The following CHD9 variants were observed in gnomAD, a reference collection of about 807,000 sequenced individuals.
CHD9 encodes the protein chromodomain helicase DNA binding protein 9, also known as ATP-dependent chromatin remodeler CHD9.
CHD9 carries 77 observed loss-of-function variants against 316.1 expected under a neutral mutation model. That is an observed-to-expected ratio of 0.24 (90% confidence interval 0.20 to 0.29). The LOEUF (loss-of-function observed/expected upper bound fraction) is 0.29, where lower values mean the gene tolerates loss of function less well. Ranked by LOEUF, CHD9 falls within the 10% of genes least tolerant of loss-of-function variation. The probability of loss-of-function intolerance (pLI) is 1.00; values close to 1 mark genes in which losing one functional copy is unlikely to be tolerated. For missense variants in CHD9, 2,763 were observed against 3,438.1 expected (o/e 0.80, Z 4.91); for synonymous variants, 1,129 against 1,158.3 (o/e 0.97, Z 0.51).
At chr16:53,292,721 T>C (rs2054448198) in intron 28 of CHD9, 112 bp from the exon 29 acceptor site, 3 of 780,430 alleles carry the variant, frequency 3.8e-6, no homozygotes, top group Admixed American at 2.7e-5. Context: ...AGAAATATGT[T>C]TTTTTTTCCC....
In CHD9 at chr16:53,243,012, A is replaced by C; in HGVS notation, c.3050A>C (p.Asn1017Thr). ...CTCTTAGAGGGCCTGAAACTCATGA[A>C]TCTGGTAAGTAACTTAATATTATCA... ...CKLLEGLKLMNLEHKVLLTGT... is the reference protein window; with the variant it reads ...CKLLEGLKLMTLEHKVLLTGT... The change falls in exon 13 of 39, where the codon AAT becomes ACT. Residue 1017 changes from asparagine to threonine, a missense_variant. Asn to Thr is a moderately conservative substitution (Grantham distance 65). This residue lies in a region of CHD9 where 155 missense variants were observed against 291.8 expected (regional missense o/e 0.53). Coordinates refer to ENST00000447540, the MANE Select transcript of CHD9 (RefSeq NM_001308319.2). The C allele has an allele frequency of 6.3e-7, 1 of 1,588,618 alleles. No individual in the cohort carries two copies.
chr16:53,157,473 A>G lies in CHD9; in HGVS notation c.1384A>G (p.Ser462Gly). ...GACTCAGTTGCAAAGTCAGGCTCGG[A>G]GTTGGCATTCATCATTTTCTAATCA... ...AQTQLQSQAR[S>G]WHSSFSNHQH... Residue 462 changes from serine (S) to glycine (G), a missense_variant, in exon 2 of 39, where the codon AGT becomes GGT. Physicochemically the swap from Ser to Gly is moderately conservative, Grantham distance 56. Around this residue, in one of 15 missense-constraint regions of CHD9, gnomAD observed 859 missense variants for 890.4 expected, o/e 0.96. Coordinates refer to ENST00000447540, the MANE Select transcript of CHD9 (RefSeq NM_001308319.2). 1 of 1,613,950 alleles carries G rather than the reference A, an allele frequency of 6.2e-7. No individual in the cohort carries two copies. The highest frequency in any genetic ancestry group is 8.5e-7 in the Non-Finnish European group (1 of 1,179,868).
Position 53,303,995 on chromosome 16 carries a change from G to A in CHD9, c.5989G>A (p.Ala1997Thr), listed in dbSNP as rs199662749. The change falls in exon 31 of 39, where the codon GCT becomes ACT. Residue 1997 changes from alanine (A) to threonine (T), a missense_variant. By Grantham distance (58) the Ala-to-Thr change is moderately conservative. Transcript: ENST00000447540. ...TGATCCTGAACTCTCATTTATGGCA[G>A]CTCAGAGGAACTACAGTCAAAGTAA... The part of the protein sequence containing the change: ...LRDPELSFMA[A>T]QRNYSQSKMA... 6.0e-5 allele frequency: 97 copies of A among 1,614,000 alleles called. 1 individual carries two copies. In the East Asian group the frequency reaches 2.0e-3, roughly 33 times the overall value.
At chr16:53,217,932 CTTTCTTTCTTTCTTTCTTTCTTTCTTTT>C (rs1333717173) in intron 3 of CHD9, among the ~76,000 whole-genome samples, 7 of 73,224 alleles carry the variant, frequency 9.6e-5, no homozygotes, top group Non-Finnish European at 1.8e-4. Context: ...TTCTTTCTTT[CTTTCTTTCTTTCTTTCTTTCTTTCTTTT>C]TTTTTTTAAT....
intron 2 of CHD9, among the ~76,000 whole-genome samples, chr16:53,204,979 G>A (rs1319192608): frequency 6.6e-6 from 1 of 151,990 alleles, no homozygotes; most frequent in Non-Finnish European, 1.5e-5. Context: ...GAGTAACTGG[G>A]ATTAGACGTG....
chr16:53,146,421 A>ATGTGTGTGTGTGTG (rs1467849366), intron 1 of CHD9, among the ~76,000 whole-genome samples: 3 of 117,366 alleles, frequency 2.6e-5, no homozygotes, highest in African/African-American at 1.1e-4. Flanking sequence ...GTGTGTATGT[A>ATGTGTGTGTGTGTG]TATATATATA....
chr16:53,156,981 A>G lies in CHD9; in HGVS notation c.892A>G (p.Thr298Ala), dbSNP rs752483362. The G allele has an allele frequency of 3.1e-6, 5 of 1,612,568 alleles. No homozygotes were observed. The highest frequency in any genetic ancestry group is 2.7e-5 in the African/African-American group (2 of 75,012). The part of the protein sequence containing the change: ...QSSAVLASNH[T>A]NQTLSDFTGS... ...CTCTGCAGTTCTTGCATCTAATCAT[A>G]CAAATCAGACTTTATCTGATTTTAC... Residue 298 changes from threonine (T) to alanine (A), a missense_variant, in exon 2 of 39, where the codon ACA becomes GCA. Transcript: ENST00000447540.
chr16:53,176,377 T>C (rs1349599099), intron 2 of CHD9, among the ~76,000 whole-genome samples: 1 of 152,218 alleles, frequency 6.6e-6, no homozygotes, highest in Non-Finnish European at 1.5e-5. Context: ...ACATCGGGCC[T>C]ACATGGATAA....
intron 1 of CHD9, among the ~76,000 whole-genome samples, chr16:53,062,012 T>C (rs2032963090): frequency 1.3e-5 from 2 of 152,208 alleles, no homozygotes; most frequent in African/African-American, 4.8e-5. Flanking sequence ...GTCTCTTTGA[T>C]CCTGCTCTGC....
chr16:53,286,781 C>T (rs1597827001), intron 26 of CHD9, among the ~76,000 whole-genome samples: 1 of 152,138 alleles, frequency 6.6e-6, no homozygotes, highest in Admixed American at 6.5e-5. Context: ...TATAAAATTG[C>T]ATAGGATTTG....
rs1035248530 is a variant in CHD9, at chr16:53,142,981, G to A, written c.-164-12945G>A. Reference sequence around the variant, plus strand: ...TCATCCTGTAGTAGAAAGCAGAGGGGCAAGAGAGCAAGGCATGACTGAACT... The same window carrying A: ...TCATCCTGTAGTAGAAAGCAGAGGGACAAGAGAGCAAGGCATGACTGAACT... On this transcript the variant is annotated intron_variant, in intron 1 of 38. Coordinates refer to ENST00000447540, the MANE Select transcript of CHD9 (RefSeq NM_001308319.2). Among the ~76,000 whole-genome samples, 7 of 152,270 alleles carry A rather than the reference G, an allele frequency of 4.6e-5. No individual in the cohort carries two copies. In the East Asian group the frequency reaches 1.4e-3, roughly 29 times the overall value.
At chr16:53,256,422 G>A (rs1228085723) in intron 19 of CHD9, among the ~76,000 whole-genome samples, 8 of 115,644 alleles carry the variant, frequency 6.9e-5, no homozygotes, top group African/African-American at 2.1e-4. Flanking sequence ...GTCTCACTCC[G>A]TCACACAGGC....
chr16:53,079,668 T>C (rs910127153), intron 1 of CHD9, among the ~76,000 whole-genome samples: 1 of 152,150 alleles, frequency 6.6e-6, no homozygotes, highest in African/African-American at 2.4e-5. Flanking sequence ...ACTGGAACTT[T>C]CAGTACCACC....
Position 53,157,019 on chromosome 16 carries a change from C to T in CHD9, c.930C>T (p.Ser310=). 1 of 1,612,880 alleles carries T rather than the reference C, an allele frequency of 6.2e-7. No individual in the cohort carries two copies. The change falls in exon 2 of 39, where the codon TCC becomes TCT. Residue 310 remains serine (S), a synonymous_variant. Transcript: ENST00000447540. ...QTLSDFTGSN[S]FSPHRGIKQE... is the part of the protein sequence containing the mutation. The stretch of plus-strand genomic sequence containing the variant: ...TATCTGATTTTACTGGAAGTAATTC[C>T]TTTTCACCTCATAGAGGAATCAAGC...
At chr16:53,310,684 C>T (rs1184433256) in intron 34 of CHD9, 1 of 145,040 alleles carries the variant, frequency 6.9e-6, no homozygotes, top group Non-Finnish European at 1.5e-5. Context: ...CCTGTCTGTA[C>T]TAAATACAAA....
At position 53,186,355 on chromosome 16, in the gene CHD9, G is replaced by A. The variant is rs142659438; in HGVS notation, c.1453-23127G>A. Among the ~76,000 whole-genome samples, 11 of 152,148 alleles carry A rather than the reference G, an allele frequency of 7.2e-5. No individual in the cohort carries two copies. In the East Asian group the frequency reaches 1.7e-3, roughly 24 times the overall value. On this transcript the variant is annotated intron_variant, in intron 2 of 38. Coordinates refer to ENST00000447540, the MANE Select transcript of CHD9 (RefSeq NM_001308319.2). ...CTTGAATGGGGCCTGTAGCCCCTTC[G>A]TTTTGGCCAATTTCTCCCATTTGAA...
chr16:53,176,237 G>A (rs887249887), intron 2 of CHD9, among the ~76,000 whole-genome samples: 4 of 152,206 alleles, frequency 2.6e-5, no homozygotes, highest in Non-Finnish European at 4.4e-5. Context: ...TCTGTGGCTT[G>A]TGGCACCATT....
At chr16:53,208,650 A>T in intron 2 of CHD9, 1 of 991,888 alleles carries the variant, frequency 1.0e-6, no homozygotes, top group Middle Eastern at 5.2e-4. Flanking sequence ...TCAGCATGAA[A>T]ATGTGTTTGG....
chr16:53,065,448 A>G (rs1350503952), intron 1 of CHD9, among the ~76,000 whole-genome samples: 1 of 151,924 alleles, frequency 6.6e-6, no homozygotes, highest in Non-Finnish European at 1.5e-5. Context: ...AGCCAGGGCA[A>G]TATAGTGACA....
Sources: gnomAD v4.1 joint callset for allele counts (sites outside exome capture counted in the v4.1 genomes callset) on GRCh38, gnomAD v4.1.1 for gene constraint, gnomAD v4.1.1 regional missense constraint, MANE v1.5 for transcripts, NCBI Gene and HGNC (gene_info 2026-07-23, HGNC 2026-07-21) for gene names.